GPC6: variants seen among roughly 807,000 people sequenced by gnomAD.
The protein encoded by GPC6 is glypican-6.
A neutral mutation model predicts 55.2 loss-of-function variants in GPC6; 14 were observed. The ratio of observed to expected loss-of-function variants is 0.25; its 90% confidence interval spans 0.17 to 0.40. The LOEUF (loss-of-function observed/expected upper bound fraction) is 0.40, where lower values mean the gene tolerates loss of function less well. GPC6 is among the 10% of genes least tolerant of loss of function. The probability of loss-of-function intolerance (pLI) is 1.00; values close to 1 mark genes in which losing one functional copy is unlikely to be tolerated. For synonymous variants in GPC6, 278 were observed against 259.6 expected, an observed-to-expected ratio of 1.07 and a Z score of -0.68; for missense variants, 641 against 708.5, an observed-to-expected ratio of 0.90 and a Z score of 1.08.
intron 1 of GPC6, among the ~76,000 whole-genome samples, chr13:93,419,874 A>G (rs1036541387): frequency 6.6e-6 from 1 of 152,152 alleles, no homozygotes; most frequent in Admixed American, 6.6e-5. Flanking sequence ...GAAGCTATGA[A>G]ATTGGTCTGC....
At chr13:93,508,784 G>A (rs952031510) in intron 1 of GPC6, among the ~76,000 whole-genome samples, 2 of 152,150 alleles carry the variant, frequency 1.3e-5, no homozygotes, top group Admixed American at 1.3e-4. Context: ...CTAGGGAAAG[G>A]GTGGAGGGAA....
intron 3 of GPC6, among the ~76,000 whole-genome samples, chr13:93,837,558 C>T (rs891998679): frequency 3.9e-5 from 6 of 152,150 alleles, no homozygotes; most frequent in Non-Finnish European, 7.4e-5. Context: ...ATGTCAAGTA[C>T]TGTCGGTTAA....
intron 4 of GPC6, among the ~76,000 whole-genome samples, chr13:94,031,816 A>G (rs903683750): frequency 2.6e-5 from 4 of 152,234 alleles, no homozygotes; most frequent in African/African-American, 7.2e-5. Context: ...GAATTGTTCT[A>G]TTTCACAAGA....
chr13:93,518,292 TA>T (rs1881280508), intron 1 of GPC6, among the ~76,000 whole-genome samples: 1 of 151,884 alleles, frequency 6.6e-6, no homozygotes, highest in African/African-American at 2.4e-5. Context: ...TTATTTTCTT[TA>T]TGTGGATACA....
chr13:93,366,462 C>T (rs1881251902), intron 1 of GPC6, among the ~76,000 whole-genome samples: 1 of 152,032 alleles, frequency 6.6e-6, no homozygotes, highest in Non-Finnish European at 1.5e-5. Context: ...TAGAAGAGGA[C>T]ATGCATGCTT....
rs573859171 is a variant in GPC6 at position 93,364,382 on chromosome 13, A to G, written c.160+136766A>G. Among the ~76,000 whole-genome samples the G allele has an allele frequency of 3.3e-5, 5 of 152,198 alleles. No homozygotes were observed. The South Asian group carries it at 6.2e-4, about 19-fold the overall frequency. On this transcript the variant is annotated intron_variant, in intron 1 of 8. Transcript: ENST00000377047. ...CCAGAGGAGATGTAAGAAAATCACA[A>G]TGATGCACGGTGAGTCAACAGTTTT...
chr13:93,460,676 T>G (rs916989492), intron 1 of GPC6, among the ~76,000 whole-genome samples: 1 of 152,040 alleles, frequency 6.6e-6, no homozygotes, highest in Admixed American at 6.6e-5. Flanking sequence ...AAGTGACGAG[T>G]CAATATTTCT....
chr13:94,195,751 A>G (rs1889553201), intron 4 of GPC6, among the ~76,000 whole-genome samples: 1 of 152,242 alleles, frequency 6.6e-6, no homozygotes, highest in African/African-American at 2.4e-5. Flanking sequence ...TGCATCAGCC[A>G]CCATCTCAGA....
intron 1 of GPC6, among the ~76,000 whole-genome samples, chr13:93,380,114 C>T (rs1372927110): frequency 6.6e-6 from 1 of 152,012 alleles, no homozygotes; most frequent in Non-Finnish European, 1.5e-5. Context: ...AAATATCTCT[C>T]TGATTGTCTA....
intron 1 of GPC6, among the ~76,000 whole-genome samples, chr13:93,390,258 G>A (rs1046848851): frequency 5.9e-5 from 9 of 152,026 alleles, no homozygotes; most frequent in South Asian, 2.1e-4. Flanking sequence ...TTGGTAAACC[G>A]TTCTGGGAAC....
At chr13:93,700,039 A>G (rs1415089846) in intron 2 of GPC6, among the ~76,000 whole-genome samples, 2 of 152,128 alleles carry the variant, frequency 1.3e-5, no homozygotes, top group African/African-American at 4.8e-5. Flanking sequence ...CTTAAAAATC[A>G]AAGGAAAGAC....
chr13:93,850,918 G>C (rs1456958133), intron 3 of GPC6, among the ~76,000 whole-genome samples: 1 of 151,942 alleles, frequency 6.6e-6, no homozygotes, highest in Non-Finnish European at 1.5e-5. Flanking sequence ...TTTCAGGACT[G>C]CACCTCTGAG....
At chr13:94,221,432 A>G (rs2139001650) in intron 4 of GPC6, among the ~76,000 whole-genome samples, 1 of 152,268 alleles carries the variant, frequency 6.6e-6, no homozygotes, top group South Asian at 2.1e-4. Flanking sequence ...AAGCATCTCT[A>G]AGCCAACTTA....
At chr13:93,784,558 C>A (rs1354766430) in intron 2 of GPC6, among the ~76,000 whole-genome samples, 1 of 152,166 alleles carries the variant, frequency 6.6e-6, no homozygotes, top group Non-Finnish European at 1.5e-5. Flanking sequence ...TTCTCAGATG[C>A]AGAAGTACAT....
chr13:93,812,423 C>T (rs1372214972), intron 2 of GPC6, among the ~76,000 whole-genome samples: 1 of 151,890 alleles, frequency 6.6e-6, no homozygotes, highest in Admixed American at 6.6e-5. Context: ...TAATTACACA[C>T]TAGCCCACAT....
chr13:93,495,373 A>T (rs1409803345), intron 1 of GPC6, among the ~76,000 whole-genome samples: 2 of 142,098 alleles, frequency 1.4e-5, no homozygotes, highest in Non-Finnish European at 3.1e-5. Context: ...TTTCAGCTCC[A>T]TCAGCTCCTT....
intron 1 of GPC6, among the ~76,000 whole-genome samples, chr13:93,487,319 A>G (rs1422387064): frequency 6.6e-6 from 1 of 152,142 alleles, no homozygotes; most frequent in Non-Finnish European, 1.5e-5. Context: ...GACTGTTTTC[A>G]TTACCCAGGT....
chr13:93,797,117 G>C (rs1277908260), intron 2 of GPC6, among the ~76,000 whole-genome samples: 1 of 74,222 alleles, frequency 1.3e-5, no homozygotes, highest in Non-Finnish European at 2.8e-5. Context: ...ATTAATAAAA[G>C]GTGCTGGGCC....
chr13:93,372,361 C>T (rs188385138), intron 1 of GPC6, among the ~76,000 whole-genome samples: 30 of 152,140 alleles, frequency 2.0e-4, no homozygotes, highest in Non-Finnish European at 2.8e-4. Flanking sequence ...GTCTGTAAGG[C>T]TCTATTAATA....
Sources: gnomAD v4.1 joint callset for allele counts (sites outside exome capture counted in the v4.1 genomes callset) on GRCh38, gnomAD v4.1.1 for gene constraint, MANE v1.5 for transcripts, NCBI Gene and HGNC (gene_info 2026-07-23, HGNC 2026-07-21) for gene names.